Variants in ITGA9 observed in about 807,000 individuals in gnomAD.
ITGA9 encodes the protein integrin subunit alpha 9.
In ITGA9, 56 loss-of-function variants were observed where a neutral mutation model predicts 127.8. That is an observed-to-expected ratio of 0.44 (90% CI 0.35 to 0.55). The LOEUF is 0.55. Among genes scored for constraint, ITGA9 ranks in the 20% least tolerant of loss-of-function variants. The pLI is 0.00. For synonymous variants in ITGA9, 508 were observed against 514.5 expected, an observed-to-expected ratio of 0.99 and a Z score of 0.17; for missense variants, 1,196 against 1,347.1, an observed-to-expected ratio of 0.89 and a Z score of 1.76.
chr3:37,713,034 G>A (rs1701095344), intron 18 of ITGA9, among the ~76,000 whole-genome samples: 1 of 152,222 alleles, frequency 6.6e-6, no homozygotes, highest in Non-Finnish European at 1.5e-5. Flanking sequence ...TGAAGGACGA[G>A]GGTCTCACCT....
rs985017195 is a variant in ITGA9, at chr3:37,452,202, G to C, written c.-173G>C. 1.1e-5 allele frequency: 2 copies of C among 174,040 alleles called. No individual in the cohort carries two copies. Among genetic ancestry groups the C allele is most frequent in the African/African-American group, 4.8e-5 (2 of 41,420 alleles). 10.8% of individuals were successfully genotyped at this position (174,040 alleles called of 1,614,324 possible). A position where few individuals can be genotyped will look rare whatever the true frequency, so the allele number is the denominator to read the frequency against. ...GGCCGCCCCTGTGCTCGCCTTCAGCGCCCGCTCAGCCCGCCGTCCGCGCCC... is the reference window on the plus strand; with the variant it reads ...GGCCGCCCCTGTGCTCGCCTTCAGCCCCCGCTCAGCCCGCCGTCCGCGCCC... On this transcript the variant is annotated 5_prime_UTR_variant, in exon 1 of 28. Transcript: ENST00000264741. This position sits in a 1 kb window ranked among gnomAD's most constrained non-coding sequence, Gnocchi z 7.3.
intron 16 of ITGA9, among the ~76,000 whole-genome samples, chr3:37,646,723 T>C (rs1700381708): frequency 1.3e-5 from 2 of 152,214 alleles, no homozygotes; most frequent in African/African-American, 4.8e-5. Context: ...GGGTTCCGAT[T>C]TGTCTGATTG....
chr3:37,456,699 CT>C (rs928200383), intron 1 of ITGA9, among the ~76,000 whole-genome samples: 6 of 152,172 alleles, frequency 3.9e-5, no homozygotes, highest in Non-Finnish European at 7.4e-5. Flanking sequence ...GGGCTTTTTG[CT>C]TTGTTAAAGT....
intron 25 of ITGA9, among the ~76,000 whole-genome samples, chr3:37,782,838 A>G (rs151234801): frequency 6.6e-5 from 10 of 152,312 alleles, no homozygotes; most frequent in African/African-American, 2.4e-4. Flanking sequence ...GTAGGATCTG[A>G]TTTTTAAAAT....
intron 22 of ITGA9, 100 bp downstream of exon 22, chr3:37,744,134 T>G (rs999400723): frequency 3.6e-6 from 3 of 836,728 alleles, no homozygotes; most frequent in Non-Finnish European, 6.3e-6. Context: ...GGAGAAACCC[T>G]TCTGTGGTTG....
intron 26 of ITGA9, among the ~76,000 whole-genome samples, chr3:37,800,171 CA>C (rs1470840299): frequency 6.6e-6 from 1 of 152,196 alleles, no homozygotes; most frequent in Admixed American, 6.5e-5. Flanking sequence ...TCTGTGTCCA[CA>C]AAACCAGACC....
intron 15 of ITGA9, among the ~76,000 whole-genome samples, chr3:37,594,733 A>C (rs773560834): frequency 2.0e-5 from 3 of 152,220 alleles, no homozygotes; most frequent in Non-Finnish European, 4.4e-5. Context: ...AACAACGCTT[A>C]ATAGAGTACT....
rs193115285 is a variant in ITGA9 at position 37,800,102 on chromosome 3, G to A, written c.2890-3721G>A. Reference sequence around the variant, plus strand: ...TAAGAGATGAAGCCCACATTCCGGGGAAGTGACAGGGCATTCTTGTGGAAC... The same window carrying A: ...TAAGAGATGAAGCCCACATTCCGGGAAAGTGACAGGGCATTCTTGTGGAAC... On this transcript the variant is annotated intron_variant, in intron 26 of 27. Transcript: ENST00000264741. Among the ~76,000 whole-genome samples the A allele has an allele frequency of 5.3e-5, 8 of 152,304 alleles. No homozygotes were observed. The East Asian group carries it at 1.4e-3, about 26-fold the overall frequency.
At chr3:37,695,941 G>A (rs1401880473) in intron 18 of ITGA9, among the ~76,000 whole-genome samples, 1 of 152,134 alleles carries the variant, frequency 6.6e-6, no homozygotes, top group Non-Finnish European at 1.5e-5. Context: ...TCTTCATAGG[G>A]GTTTTCATCT....
intron 3 of ITGA9, 41 bp from the exon 4 acceptor site, chr3:37,481,443 G>C (rs1258702621): frequency 1.9e-6 from 3 of 1,613,692 alleles, no homozygotes; most frequent in Non-Finnish European, 2.5e-6. Flanking sequence ...TGATCTTTTG[G>C]GGCCAACTTT....
chr3:37,692,430 T>A (rs896777849), intron 18 of ITGA9, among the ~76,000 whole-genome samples: 4 of 151,942 alleles, frequency 2.6e-5, no homozygotes, highest in African/African-American at 4.8e-5. Flanking sequence ...TGTGTGTGTG[T>A]GTGTGTGTGT....
intron 18 of ITGA9, among the ~76,000 whole-genome samples, chr3:37,712,715 C>T (rs1029707830): frequency 6.6e-6 from 1 of 152,108 alleles, no homozygotes; most frequent in African/African-American, 2.4e-5. Context: ...TGCCAGGCTA[C>T]AGTAAATAAA....
At chr3:37,560,414 G>A (rs1031731268) in intron 15 of ITGA9, among the ~76,000 whole-genome samples, 1 of 152,178 alleles carries the variant, frequency 6.6e-6, no homozygotes, top group African/African-American at 2.4e-5. Flanking sequence ...ATAAACATAT[G>A]TGTGCATGTG....
intron 17 of ITGA9, among the ~76,000 whole-genome samples, chr3:37,670,102 AT>A: frequency 6.7e-6 from 1 of 149,616 alleles, no homozygotes; most frequent in East Asian, 1.9e-4. Flanking sequence ...AGAAATACAA[AT>A]GTTAAAACTT....
At chr3:37,587,081 A>G (rs138892023) in intron 15 of ITGA9, among the ~76,000 whole-genome samples, 107 of 152,258 alleles carry the variant, frequency 7.0e-4, no homozygotes, top group Non-Finnish European at 1.4e-3. Flanking sequence ...GGTTTAGCAT[A>G]TGTTGCATTA....
At chr3:37,684,669 A>T (rs1311520967) in intron 18 of ITGA9, among the ~76,000 whole-genome samples, 1 of 152,084 alleles carries the variant, frequency 6.6e-6, no homozygotes, top group African/African-American at 2.4e-5. Context: ...GGGTTTTGCC[A>T]TGTTGGCCAG....
At chr3:37,598,689 C>T (rs1699890187) in intron 15 of ITGA9, among the ~76,000 whole-genome samples, 1 of 152,132 alleles carries the variant, frequency 6.6e-6, no homozygotes, top group African/African-American at 2.4e-5. Flanking sequence ...ACCCTTAGGC[C>T]CCAAGTGTGT....
intron 13 of ITGA9, among the ~76,000 whole-genome samples, chr3:37,532,605 T>C (rs1186238684): frequency 7.5e-6 from 1 of 132,990 alleles, no homozygotes; most frequent in Non-Finnish European, 1.7e-5. Context: ...CTCTTTGTTT[T>C]TGTGGGATGT....
chr3:37,541,854 C>G (rs1699275977), intron 14 of ITGA9, among the ~76,000 whole-genome samples: 1 of 152,176 alleles, frequency 6.6e-6, no homozygotes, highest in Non-Finnish European at 1.5e-5. Context: ...TTAGCGGTGC[C>G]TGGCCTATAG....
Sources: gnomAD v4.1 joint callset for allele counts (sites outside exome capture counted in the v4.1 genomes callset) on GRCh38, gnomAD v4.1.1 for gene constraint, Gnocchi (gnomAD v3.1) non-coding constraint, MANE v1.5 for transcripts, NCBI Gene and HGNC (gene_info 2026-07-23, HGNC 2026-07-21) for gene names.